Variants in POGLUT1 observed in about 807,000 individuals in gnomAD.
POGLUT1 encodes the protein 9630046K23Rik.
In POGLUT1, 32 loss-of-function variants were observed where a neutral mutation model predicts 61.3. The observed-to-expected ratio is 0.52, with a 90% CI of 0.39 to 0.70. The LOEUF (loss-of-function observed/expected upper bound fraction) is 0.70, where lower values mean the gene tolerates loss of function less well. Among genes scored for constraint, POGLUT1 ranks in the 30% least tolerant of loss-of-function variants. POGLUT1 has a pLI of 0.00. For missense variants in POGLUT1, 411 were observed against 469.8 expected (o/e 0.87, Z 1.16); for synonymous variants, 158 against 158.2 (o/e 1.00, Z 0.01).
At position 119,480,098 on chromosome 3, in the gene POGLUT1, A is replaced by G; in HGVS notation, c.504A>G (p.Glu168=). Residue 168 remains glutamate, a synonymous_variant, in exon 5 of 11, where the codon GAA becomes GAG. Coordinates refer to ENST00000295588, the MANE Select transcript of POGLUT1 (RefSeq NM_152305.3). ...DIMYPAWTFW[E]GGPAVWPIYP... is the part of the protein sequence containing the mutation. The stretch of plus-strand genomic sequence containing the variant: ...TGTATCCTGCTTGGACATTTTGGGA[A>G]GGGGGACCTGCTGTTTGGCCAATTT... 6.2e-7 allele frequency: 1 copy of G among 1,613,310 alleles called. No individual in the cohort carries two copies. The highest frequency in any genetic ancestry group is 8.5e-7 in the Non-Finnish European group (1 of 1,179,686).
At chr3:119,487,444 G>A (rs770553639) in intron 7 of POGLUT1, among the ~76,000 whole-genome samples, 9 of 152,140 alleles carry the variant, frequency 5.9e-5, no homozygotes, top group Non-Finnish European at 1.0e-4. Flanking sequence ...AAAATTAGCC[G>A]GGCATGGTGG....
intron 6 of POGLUT1, 54 bp downstream of exon 6, chr3:119,485,441 T>C: frequency 8.2e-7 from 1 of 1,226,978 alleles, no homozygotes; most frequent in Non-Finnish European, 1.2e-6. Context: ...ATGTAAAATG[T>C]AAGTAACTTT....
rs1314433529 is a variant in POGLUT1, at chr3:119,493,100, C to T, written c.*662C>T. 1 of 151,298 alleles carries T rather than the reference C, an allele frequency of 6.6e-6. No homozygotes were observed. The highest frequency in any genetic ancestry group is 1.5e-5 in the Non-Finnish European group (1 of 67,946). 9.4% of individuals were successfully genotyped at this position (151,298 alleles called of 1,614,324 possible). A position where few individuals can be genotyped will look rare whatever the true frequency, so the allele number is the denominator to read the frequency against. ...AATTATTGCAATTGGATTTCAGGTT[C>T]CCTTTTTGTGCCTTCATGCCCTACT... On this transcript the variant is annotated 3_prime_UTR_variant, in exon 11 of 11. Transcript: ENST00000295588.
chr3:119,490,977 A>G (rs1407405644), intron 9 of POGLUT1, among the ~76,000 whole-genome samples: 2 of 152,050 alleles, frequency 1.3e-5, no homozygotes, highest in African/African-American at 2.4e-5. Context: ...AAAAAGCTCT[A>G]ATCTCTCCAA....
At chr3:119,472,829 A>G (rs1489626631) in intron 3 of POGLUT1, among the ~76,000 whole-genome samples, 1 of 152,270 alleles carries the variant, frequency 6.6e-6, no homozygotes, top group African/African-American at 2.4e-5. Flanking sequence ...TCAGGAGTTC[A>G]AGACGAGCCT....
chr3:119,469,114 C>T lies in POGLUT1; in HGVS notation c.85+8C>T. 1 of 1,591,464 alleles carries T rather than the reference C, an allele frequency of 6.3e-7. No individual in the cohort carries two copies. Among genetic ancestry groups the T allele is most frequent in the South Asian group, 1.1e-5 (1 of 88,870 alleles). ...GCCGCCAGAAGGAGTCAGGTGGGCT[C>T]CGGGCAGTGCCGAGCCTGCCCCTTG... is the stretch of plus-strand genomic sequence containing the variant. On this transcript the variant is annotated splice_region_variant and intron_variant, in intron 1 of 10. Transcript: ENST00000295588.
intron 3 of POGLUT1, among the ~76,000 whole-genome samples, chr3:119,475,979 CACACACACACACACAAACACAT>C (rs1257661614): frequency 4.0e-5 from 5 of 124,342 alleles, no homozygotes; most frequent in East Asian, 2.9e-4. Flanking sequence ...CACACACACA[CACACACACACACACAAACACAT>C]ACAGAGTTGC....
At chr3:119,491,447 A>G (rs2081744155) in intron 9 of POGLUT1, 71 bp from the exon 10 acceptor site, 1 of 691,064 alleles carries the variant, frequency 1.4e-6, no homozygotes, top group African/African-American at 1.8e-5. Context: ...ACCTCAATCT[A>G]TATCGTCTTT....
rs749609281 is a variant in POGLUT1, at chr3:119,480,102, G to A, written c.508G>A (p.Gly170Arg). ...MYPAWTFWEG[G>R]PAVWPIYPTG... ...TCCTGCTTGGACATTTTGGGAAGGG[G>A]GACCTGCTGTTTGGCCAATTTATCC... Residue 170 changes from glycine to arginine, a missense_variant, in exon 5 of 11, where the codon GGA (glycine) becomes AGA (arginine). Physicochemically the swap from Gly to Arg is moderately radical, Grantham distance 125. Coordinates refer to ENST00000295588, the MANE Select transcript of POGLUT1 (RefSeq NM_152305.3). 11 of 1,612,920 alleles carry A rather than the reference G, an allele frequency of 6.8e-6. No individual in the cohort carries two copies. In the South Asian group the frequency reaches 1.2e-4, roughly 18 times the overall value.
intron 10 of POGLUT1, among the ~76,000 whole-genome samples, chr3:119,491,895 T>C (rs1356756600): frequency 1.3e-5 from 2 of 151,652 alleles, no homozygotes; most frequent in African/African-American, 4.9e-5. Flanking sequence ...CTACTAGAAA[T>C]ACAAAAAAAT....
chr3:119,492,185 C>T, intron 10 of POGLUT1, 97 bp from the exon 11 acceptor site: 1 of 821,818 alleles, frequency 1.2e-6, no homozygotes, highest in South Asian at 2.3e-5. Flanking sequence ...ATATAAAATG[C>T]TGAATAATGC....
rs1997341 is a variant in POGLUT1, at chr3:119,492,447, A to G, written c.*9A>G. 0.19 allele frequency: 289,753 copies of G among 1,553,716 alleles called. 28,760 individuals carry two copies. Among genetic ancestry groups the G allele is most frequent in the Admixed American group, 0.24 (13,347 of 55,590 alleles). ...TGAAAACTGAACTATAGTAGTCATC[A>G]TAGGACCATAGTCCTCTTTGTGGCA... On this transcript the variant is annotated 3_prime_UTR_variant, in exon 11 of 11. Transcript: ENST00000295588.
At chr3:119,480,005 A>T in intron 4 of POGLUT1, 46 bp from the exon 5 acceptor site, 6 of 1,609,858 alleles carry the variant, frequency 3.7e-6, no homozygotes, top group Non-Finnish European at 5.1e-6. Context: ...GCCTCTTTTC[A>T]CTGTTCCAAG....
chr3:119,471,619 C>T (rs950277742), intron 3 of POGLUT1, 167 bp downstream of exon 3: 12 of 640,428 alleles, frequency 1.9e-5, no homozygotes, highest in East Asian at 3.0e-5. Context: ...ATTTTTCTTG[C>T]GAGCTCCTCT....
chr3:119,477,145 C>A (rs193194548), intron 3 of POGLUT1, among the ~76,000 whole-genome samples, 168 bp from the exon 4 acceptor site: 1 of 152,280 alleles, frequency 6.6e-6, no homozygotes, highest in Admixed American at 6.5e-5. Context: ...TACAAAAAAG[C>A]AGAATAGCCC....
intron 4 of POGLUT1, 23 bp from the exon 5 acceptor site, chr3:119,480,028 C>T (rs762749742): frequency 1.0e-4 from 169 of 1,612,072 alleles, no homozygotes; most frequent in South Asian, 2.1e-4. Flanking sequence ...TGATTTAGGA[C>T]GACCTGTCTG....
In POGLUT1 at chr3:119,492,357, C is replaced by T; in HGVS notation, c.1098C>T (p.Tyr366=). 1.9e-6 allele frequency: 3 copies of T among 1,607,058 alleles called. No individual in the cohort carries two copies. Among genetic ancestry groups the T allele is most frequent in the Non-Finnish European group, 2.6e-6 (3 of 1,174,260 alleles). Residue 366 remains tyrosine (Y), a synonymous_variant, in exon 11 of 11, where the codon TAC becomes TAT. Coordinates refer to ENST00000295588, the MANE Select transcript of POGLUT1 (RefSeq NM_152305.3). ...TCYWENLLSE[Y]SKFLSYNVTR... is the part of the protein sequence containing the mutation. ...ACTGGGAGAACCTCTTGAGTGAATACTCTAAATTCCTGTCTTATAATGTAA... is the reference window on the plus strand; with the variant it reads ...ACTGGGAGAACCTCTTGAGTGAATATTCTAAATTCCTGTCTTATAATGTAA...
rs778846060 is a variant in POGLUT1, at chr3:119,471,347, T to A, written c.215T>A (p.Ile72Asn). 6.2e-7 allele frequency: 1 copy of A among 1,613,984 alleles called. No individual in the cohort carries two copies. Residue 72 changes from isoleucine (I) to asparagine (N), a missense_variant, in exon 3 of 11, where the codon ATC becomes AAC. Coordinates refer to ENST00000295588, the MANE Select transcript of POGLUT1 (RefSeq NM_152305.3). Reference sequence around the variant, plus strand: ...GATCTAACTCCTTTCCGAGGAGGCATCTCCAGGAAGATGATGGCAGAGGTA... The same window carrying A: ...GATCTAACTCCTTTCCGAGGAGGCAACTCCAGGAAGATGATGGCAGAGGTA... ...EEDLTPFRGG[I>N]SRKMMAEVVR...
chr3:119,480,203 T>C, intron 5 of POGLUT1, 31 bp downstream of exon 5: 1 of 1,506,502 alleles, frequency 6.6e-7, no homozygotes, highest in Non-Finnish European at 8.9e-7. Context: ...TTATTTTTTC[T>C]CTTTCTGGGT....
Sources: allele counts gnomAD v4.1 joint callset (sites outside exome capture counted in the v4.1 genomes callset), GRCh38; gene constraint gnomAD v4.1.1; transcripts MANE v1.5; gene names NCBI Gene and HGNC (gene_info 2026-07-23, HGNC 2026-07-21).